RBFOX3: variants seen among roughly 807,000 people sequenced by gnomAD.
RBFOX3 encodes RNA binding fox-1 homolog 3, also known as RNA binding protein fox-1 homolog 3.
A neutral mutation model predicts 48.7 loss-of-function variants in RBFOX3; 17 were observed. The ratio of observed to expected loss-of-function variants is 0.35; its 90% confidence interval spans 0.24 to 0.52. The LOEUF is 0.52. Ranked by LOEUF, RBFOX3 falls within the 20% of genes least tolerant of loss-of-function variation. The pLI is 0.94. For synonymous variants in RBFOX3, 212 were observed against 209.5 expected (o/e 1.01, Z -0.10); for missense variants, 382 against 497.5 (o/e 0.77, Z 2.21).
chr17:79,380,980 G>A (rs1364728445), intron 2 of RBFOX3, among the ~76,000 whole-genome samples: 2 of 152,202 alleles, frequency 1.3e-5, no homozygotes, highest in East Asian at 1.9e-4. Context: ...GGTAAAAAGA[G>A]GCCAGGTGCA....
chr17:79,142,423 C>T (rs1362173618), intron 4 of RBFOX3, among the ~76,000 whole-genome samples: 5 of 152,134 alleles, frequency 3.3e-5, no homozygotes, highest in African/African-American at 7.2e-5. Context: ...CCCTGTTGCC[C>T]ACGGCTGAGC....
At chr17:79,215,179 C>T (rs749313421) in intron 4 of RBFOX3, among the ~76,000 whole-genome samples, 88 of 152,316 alleles carry the variant, frequency 5.8e-4, no homozygotes, top group Non-Finnish European at 9.8e-4. Context: ...GAGGTGCTGG[C>T]CCCCGCAGGG....
At chr17:79,500,854 T>G (rs2082291900) in intron 1 of RBFOX3, among the ~76,000 whole-genome samples, 1 of 152,204 alleles carries the variant, frequency 6.6e-6, no homozygotes, top group Non-Finnish European at 1.5e-5. Flanking sequence ...GGCTTGGAGA[T>G]GCAGACACCC....
At chr17:79,453,449 C>T (rs68162386) in intron 2 of RBFOX3, among the ~76,000 whole-genome samples, 36,511 of 151,934 alleles carry the variant, frequency 0.24, 4,425 homozygotes, top group Admixed American at 0.3. Flanking sequence ...GAGGGACAGG[C>T]CTCATCTCCT....
In RBFOX3 at chr17:79,199,967, C is replaced by T. The variant is rs751752013; in HGVS notation, c.-34+35799G>A. ...CCTGAAGTCAGGAGTTCAAGACCAGCCTGGCCAACATGGTGAAACTCCGTC... is the reference window on the plus strand; with the variant it reads ...CCTGAAGTCAGGAGTTCAAGACCAGTCTGGCCAACATGGTGAAACTCCGTC... On this transcript the variant is annotated intron_variant, in intron 4 of 14. Transcript: ENST00000693108. This position sits in a 1 kb window ranked among gnomAD's most constrained non-coding sequence, Gnocchi z 5.1. Among the ~76,000 whole-genome samples the T allele has an allele frequency of 3.9e-5, 6 of 152,220 alleles. No individual in the cohort carries two copies. The highest frequency in any genetic ancestry group is 1.9e-4 in the East Asian group (1 of 5,176).
intron 1 of RBFOX3, among the ~76,000 whole-genome samples, chr17:79,564,340 G>T (rs955387368): frequency 0.8 from 122,229 of 152,186 alleles, 49,690 homozygotes; most frequent in East Asian, 0.95. Flanking sequence ...AAGAAAACCA[G>T]GAGCTGGTGT....
At chr17:79,408,995 C>T (rs1447067805) in intron 2 of RBFOX3, among the ~76,000 whole-genome samples, 1 of 152,200 alleles carries the variant, frequency 6.6e-6, no homozygotes, top group East Asian at 1.9e-4. Context: ...CCATCACCAG[C>T]CCCTGCCACC....
chr17:79,180,190 G>A (rs1268147124), intron 4 of RBFOX3, among the ~76,000 whole-genome samples: 1 of 152,182 alleles, frequency 6.6e-6, no homozygotes, highest in Non-Finnish European at 1.5e-5. Flanking sequence ...ATTAATCACA[G>A]AACTGTTGTG....
chr17:79,337,957 TAGAC>T (rs1350131452), intron 2 of RBFOX3, among the ~76,000 whole-genome samples: 4 of 151,598 alleles, frequency 2.6e-5, no homozygotes, highest in African/African-American at 7.3e-5. Context: ...TTTTTTTTTT[TAGAC>T]AGAGTCTCAC....
chr17:79,355,654 C>T (rs188030228), intron 2 of RBFOX3, among the ~76,000 whole-genome samples: 119 of 152,038 alleles, frequency 7.8e-4, no homozygotes, highest in Non-Finnish European at 1.3e-3. Context: ...GATCTCAGCT[C>T]ACTGCAACCT....
intron 2 of RBFOX3, among the ~76,000 whole-genome samples, chr17:79,373,797 C>G (rs1188838956): frequency 6.6e-6 from 1 of 152,168 alleles, no homozygotes; most frequent in Non-Finnish European, 1.5e-5. Context: ...CCAGGGCAGG[C>G]TGAGCGCAGG....
At chr17:79,657,223 T>C in the RBFOX3 span, among the ~76,000 whole-genome samples, 102,192 of 152,150 alleles carry the variant, frequency 0.67, 38,201 homozygotes, top group Non-Finnish European at 0.83. Context: ...CCTTCTCCTC[T>C]GAGCTGATCC....
At chr17:79,118,646 C>A (rs538489817) in intron 4 of RBFOX3, among the ~76,000 whole-genome samples, 22 of 152,048 alleles carry the variant, frequency 1.4e-4, no homozygotes, top group Non-Finnish European at 2.6e-4. Flanking sequence ...TTCCCAGCAA[C>A]CCCCTCCTCC....
chr17:79,446,123 C>G (rs1426042731), intron 2 of RBFOX3, among the ~76,000 whole-genome samples: 1 of 152,146 alleles, frequency 6.6e-6, no homozygotes, highest in African/African-American at 2.4e-5. Flanking sequence ...TGGGAGGTGA[C>G]AGCTCCTCTG....
At chr17:79,141,102 G>A (rs574217722) in intron 4 of RBFOX3, among the ~76,000 whole-genome samples, 5 of 152,354 alleles carry the variant, frequency 3.3e-5, no homozygotes, top group Non-Finnish European at 7.3e-5. Context: ...CCTGGTAAAC[G>A]GGGATGCACC....
intron 4 of RBFOX3, among the ~76,000 whole-genome samples, chr17:79,163,158 A>T (rs2047306756): frequency 6.6e-6 from 1 of 152,212 alleles, no homozygotes; most frequent in Non-Finnish European, 1.5e-5. Context: ...CTCACCTGGG[A>T]GCATCCGGCC....
rs567866710 is a variant in RBFOX3 at position 79,362,808 on chromosome 17, G to C, written c.-174-54984C>G. 1.3e-5 allele frequency among the ~76,000 whole-genome samples: 2 copies of C among 152,320 alleles called. No homozygotes were observed. Among genetic ancestry groups the C allele is most frequent in the African/African-American group, 4.8e-5 (2 of 41,574 alleles). On this transcript the variant is annotated intron_variant, in intron 2 of 14. Coordinates refer to ENST00000693108, the MANE Select transcript of RBFOX3 (RefSeq NM_001350451.2). The surrounding 1 kb of genome is among the most constrained non-coding windows in gnomAD (Gnocchi z 4.2). ...CTGGAATTTGTTGCCACAGCTATGA[G>C]AGAGGGGTAAAGCGGGAACATCAGA...
At chr17:79,128,415 G>A (rs1270600048) in intron 4 of RBFOX3, among the ~76,000 whole-genome samples, 1 of 152,136 alleles carries the variant, frequency 6.6e-6, no homozygotes, top group Non-Finnish European at 1.5e-5. Context: ...CCCAGGATCC[G>A]CCAGGGCTTT....
chr17:79,407,792 G>A (rs2148522058), intron 2 of RBFOX3, among the ~76,000 whole-genome samples: 1 of 152,296 alleles, frequency 6.6e-6, no homozygotes, highest in South Asian at 2.1e-4. Flanking sequence ...AGAATGCAAG[G>A]CGCCCTCTGA....
Sources: gnomAD v4.1 joint callset for allele counts (sites outside exome capture counted in the v4.1 genomes callset) on GRCh38, gnomAD v4.1.1 for gene constraint, Gnocchi (gnomAD v3.1) non-coding constraint, MANE v1.5 for transcripts, NCBI Gene and HGNC (gene_info 2026-07-23, HGNC 2026-07-21) for gene names.